TRDN: variants seen among roughly 807,000 people sequenced by gnomAD.
TRDN encodes the protein triadin.
Under a neutral mutation model 149.7 loss-of-function variants are expected in TRDN, and 161 were observed. That is an observed-to-expected ratio of 1.08 (90% CI 0.95 to 1.23). TRDN has a LOEUF of 1.23. Ranked by LOEUF, TRDN falls within the 50% of genes most tolerant of loss-of-function variation. The pLI is 0.00. For missense variants in TRDN, 896 were observed against 823.5 expected, an observed-to-expected ratio of 1.09 and a Z score of -1.08; for synonymous variants, 294 against 250.5, an observed-to-expected ratio of 1.17 and a Z score of -1.64.
intron 9 of TRDN, among the ~76,000 whole-genome samples, chr6:123,478,083 C>T (rs79230435): frequency 8.0e-6 from 1 of 124,266 alleles, no homozygotes; most frequent in African/African-American, 2.7e-5. Flanking sequence ...AAAATGTTCA[C>T]CAAAAAAAAA....
chr6:123,393,621 T>C lies in TRDN; in HGVS notation c.1105+3A>G. On this transcript the variant is annotated splice_donor_region_variant and intron_variant, in intron 13 of 40. Transcript: ENST00000334268. Reference sequence around the variant, plus strand: ...ATGCTTTTTAAAGTGTTTTATTGCTTACCTTGTGCTGCAATTTTTACAGTC... The same window carrying C: ...ATGCTTTTTAAAGTGTTTTATTGCTCACCTTGTGCTGCAATTTTTACAGTC... The C allele has an allele frequency of 6.2e-7, 1 of 1,601,366 alleles. No homozygotes were observed.
chr6:123,271,100 T>A (rs777523112), intron 30 of TRDN, 39 bp downstream of exon 30: 16 of 1,327,450 alleles, frequency 1.2e-5, no homozygotes, highest in African/African-American at 4.5e-5. Context: ...ACATAACATA[T>A]AATGAGACAT....
intron 7 of TRDN, 50 bp from the exon 8 acceptor site, chr6:123,503,951 A>C: frequency 6.7e-7 from 1 of 1,501,714 alleles, no homozygotes; most frequent in Non-Finnish European, 8.8e-7. Flanking sequence ...TTACAAACAT[A>C]ATGTTTCATC....
chr6:123,464,730 T>G (rs2114708331), intron 10 of TRDN, 176 bp downstream of exon 10: 1 of 1,393,350 alleles, frequency 7.2e-7, no homozygotes, highest in Non-Finnish European at 9.3e-7. Flanking sequence ...GGGACATTTT[T>G]GGTTTTCTAA....
intron 4 of TRDN, among the ~76,000 whole-genome samples, chr6:123,543,893 C>G (rs911839245): frequency 2.0e-5 from 3 of 151,826 alleles, no homozygotes; most frequent in African/African-American, 4.8e-5. Flanking sequence ...ACCTCTCTCA[C>G]GAAAATTTTA....
intron 2 of TRDN, among the ~76,000 whole-genome samples, chr6:123,567,622 C>A (rs1323579709): frequency 6.6e-6 from 1 of 150,450 alleles, no homozygotes; most frequent in Non-Finnish European, 1.5e-5. Context: ...AGAGGAGGAG[C>A]AAGAGAGAGA....
intron 21 of TRDN, among the ~76,000 whole-genome samples, chr6:123,349,051 C>A (rs1780358154): frequency 6.6e-6 from 1 of 151,900 alleles, no homozygotes; most frequent in Non-Finnish European, 1.5e-5. Context: ...TATTATTCTG[C>A]TGTGATAAGT....
rs1778263124 is a variant in TRDN, at chr6:123,297,934, A to G, written c.1510+18523T>C. Among the ~76,000 whole-genome samples the G allele has an allele frequency of 2.0e-5, 3 of 152,052 alleles. No individual in the cohort carries two copies. In the South Asian group the frequency reaches 6.2e-4, roughly 31 times the overall value. ...ATTTCCTATATTAGTAAATGATACC[A>G]TACTTCACCTACTCTTCCAACCAGA... On this transcript the variant is annotated intron_variant, in intron 24 of 40. Transcript: ENST00000334268.
At chr6:123,263,157 A>T (rs746111152) in intron 33 of TRDN, among the ~76,000 whole-genome samples, 1 of 152,058 alleles carries the variant, frequency 6.6e-6, no homozygotes, top group Non-Finnish European at 1.5e-5. Flanking sequence ...TAAAAGTGTT[A>T]CTCCAGTGAC....
At chr6:123,529,055 T>C (rs1211182356) in intron 5 of TRDN, 2 of 1,419,112 alleles carry the variant, frequency 1.4e-6, no homozygotes, top group African/African-American at 2.9e-5. Flanking sequence ...GCTCGGTCTT[T>C]GACATCAGAA....
intron 7 of TRDN, among the ~76,000 whole-genome samples, chr6:123,506,740 C>T (rs934079957): frequency 3.3e-5 from 5 of 152,020 alleles, no homozygotes; most frequent in Non-Finnish European, 5.9e-5. Context: ...CCACCCGCCT[C>T]GGCCTCCCAA....
intron 26 of TRDN, among the ~76,000 whole-genome samples, 158 bp downstream of exon 26, chr6:123,278,160 A>G (rs1777443976): frequency 1.3e-5 from 2 of 152,046 alleles, no homozygotes; most frequent in Admixed American, 6.6e-5. Context: ...AGAAATGGGT[A>G]GCATAGAGAA....
chr6:123,232,484 A>C (rs1775642707), intron 38 of TRDN, among the ~76,000 whole-genome samples: 1 of 152,042 alleles, frequency 6.6e-6, no homozygotes, highest in African/African-American at 2.4e-5. Context: ...AAGTGGCTGC[A>C]AATGCAAGCA....
At chr6:123,293,349 GT>G (rs1360478737) in intron 24 of TRDN, among the ~76,000 whole-genome samples, 1 of 152,040 alleles carries the variant, frequency 6.6e-6, no homozygotes, top group African/African-American at 2.4e-5. Flanking sequence ...TATATCTCCA[GT>G]GCACAAATGA....
chr6:123,623,511 T>C (rs1383808906), intron 1 of TRDN, among the ~76,000 whole-genome samples: 1 of 152,072 alleles, frequency 6.6e-6, no homozygotes. Flanking sequence ...TTTTGCAATC[T>C]TTAGGGAAGA....
At chr6:123,238,701 G>A (rs1775878962) in intron 38 of TRDN, among the ~76,000 whole-genome samples, 1 of 151,986 alleles carries the variant, frequency 6.6e-6, no homozygotes, top group Non-Finnish European at 1.5e-5. Flanking sequence ...TTGTTTGATA[G>A]ACACATATAT....
In TRDN at chr6:123,439,094, C is replaced by T. The variant is rs913086710; in HGVS notation, c.932-91G>A. On this transcript the variant is annotated intron_variant, in intron 10 of 40. Coordinates refer to ENST00000334268, the MANE Select transcript of TRDN (RefSeq NM_006073.4). ...ATGAAGGATTTTTGTTAAGTCAGTT[C>T]TGCCTCCAGCTAGCTTTGTGACTGA... 4.3e-6 allele frequency: 4 copies of T among 929,608 alleles called. No individual in the cohort carries two copies. In the Admixed American group the frequency reaches 1.1e-4, roughly 26 times the overall value. The allele number at this position is 929,608 out of a possible 1,614,324, so 57.6% of individuals were successfully genotyped here.
intron 1 of TRDN, among the ~76,000 whole-genome samples, chr6:123,620,219 T>A (rs1435067809): frequency 6.6e-6 from 1 of 152,176 alleles, no homozygotes; most frequent in Admixed American, 6.5e-5. Context: ...GCTTTAAAAC[T>A]TCAACGTGTG....
intron 1 of TRDN, among the ~76,000 whole-genome samples, chr6:123,602,177 C>T (rs1340944139): frequency 6.6e-6 from 1 of 151,952 alleles, no homozygotes; most frequent in Non-Finnish European, 1.5e-5. Flanking sequence ...AAATATATAA[C>T]CAACCTAAAT....
Sources: allele counts gnomAD v4.1 joint callset (sites outside exome capture counted in the v4.1 genomes callset), GRCh38; gene constraint gnomAD v4.1.1; transcripts MANE v1.5; gene names NCBI Gene and HGNC (gene_info 2026-07-23, HGNC 2026-07-21).